The following FOXN3 variants were observed in gnomAD, a reference collection of about 807,000 sequenced individuals.
FOXN3 encodes forkhead box protein N3.
In FOXN3, 7 loss-of-function variants were observed where a neutral mutation model predicts 38.4. The observed-to-expected ratio is 0.18, with a 90% confidence interval of 0.10 to 0.34. The LOEUF (loss-of-function observed/expected upper bound fraction) is 0.34. Ranked by LOEUF, FOXN3 falls within the 10% of genes least tolerant of loss-of-function variation. The pLI is 1.00. For synonymous variants in FOXN3, 230 were observed against 242.2 expected, an observed-to-expected ratio of 0.95 and a Z score of 0.47; for missense variants, 456 against 613.4, an observed-to-expected ratio of 0.74 and a Z score of 2.71.
chr14:89,511,141 T>TTTC lies in FOXN3; in HGVS notation c.-14-98652_-14-98651insGAA, dbSNP rs1555358045. Among the ~76,000 whole-genome samples the TTTC allele has an allele frequency of 2.2e-3, 47 of 21,004 alleles. 9 individuals carry two copies. Among genetic ancestry groups the TTTC allele is most frequent in the East Asian group, 7.2e-3 (12 of 1,666 alleles). 13.8% of individuals were successfully genotyped at this position (21,004 alleles called of 152,430 possible). A position where few individuals can be genotyped will look rare whatever the true frequency, so the allele number is the denominator to read the frequency against. Reference sequence around the variant, plus strand: ...CTTGGTGTCTTTCTTTCTTTCTTTCTTTTCTTTCTTTCTTTCTTTCTTTCT... The same window carrying TTTC: ...CTTGGTGTCTTTCTTTCTTTCTTTCTTTCTTTCTTTCTTTCTTTCTTTCTTTCT... On this transcript the variant is annotated intron_variant, in intron 1 of 6. Coordinates refer to the FOXN3 transcript ENST00000345097.
chr14:89,407,844 G>A (rs570079632), intron 2 of FOXN3, among the ~76,000 whole-genome samples: 3 of 152,022 alleles, frequency 2.0e-5, no homozygotes, highest in Non-Finnish European at 2.9e-5. Context: ...ACAAAAAACC[G>A]AAAAACAACT....
chr14:89,262,838 G>A (rs1447847120), intron 4 of FOXN3, among the ~76,000 whole-genome samples: 1 of 152,226 alleles, frequency 6.6e-6, no homozygotes, highest in Non-Finnish European at 1.5e-5. Context: ...GAGACTTTCA[G>A]TTTAATTGAA....
chr14:89,386,792 G>A (rs776515906), intron 2 of FOXN3, among the ~76,000 whole-genome samples: 3 of 152,210 alleles, frequency 2.0e-5, no homozygotes, highest in Non-Finnish European at 4.4e-5. Context: ...TTCGTGAGAA[G>A]ACGGCTGCCT....
intron 1 of FOXN3, among the ~76,000 whole-genome samples, chr14:89,439,603 G>A (rs1356636098): frequency 6.6e-6 from 1 of 151,486 alleles, no homozygotes; most frequent in Non-Finnish European, 1.5e-5. Flanking sequence ...ATAAAAATGA[G>A]CAATGAGCAG....
intron 4 of FOXN3, among the ~76,000 whole-genome samples, chr14:89,200,905 A>AT (rs1382695645): frequency 6.6e-6 from 1 of 152,222 alleles, no homozygotes. Context: ...TCAAAGAACC[A>AT]TGTGGACAGA....
intron 2 of FOXN3, among the ~76,000 whole-genome samples, chr14:89,410,304 C>T (rs1463274314): frequency 6.6e-6 from 1 of 152,126 alleles, no homozygotes; most frequent in African/African-American, 2.4e-5. Context: ...GCCCCAGCCC[C>T]GCACAGCCAC....
At position 89,362,407 on chromosome 14, in the gene FOXN3, A is replaced by T. The variant is rs1394295731; in HGVS notation, c.544-11599T>A. ...CACCACCACCACCTCCAGCACCACC[A>T]CCACCTCCTCCTCCTCCACCACCAC... On this transcript the variant is annotated intron_variant, in intron 2 of 5. Transcript: ENST00000557258. 1.0e-3 allele frequency among the ~76,000 whole-genome samples: 13 copies of T among 12,570 alleles called. 1 individual carries two copies. The highest frequency in any genetic ancestry group is 2.5e-3 in the African/African-American group (12 of 4,720). 8.2% of individuals were successfully genotyped at this position (12,570 alleles called of 152,430 possible).
At chr14:89,366,439 C>T (rs1395187570) in intron 2 of FOXN3, among the ~76,000 whole-genome samples, 2 of 151,762 alleles carry the variant, frequency 1.3e-5, no homozygotes, top group Non-Finnish European at 2.9e-5. Flanking sequence ...ATTGCATAAG[C>T]AAATTACAAA....
At chr14:89,200,101 A>C (rs574111089) in intron 4 of FOXN3, among the ~76,000 whole-genome samples, 10 of 152,188 alleles carry the variant, frequency 6.6e-5, no homozygotes, top group South Asian at 2.1e-4. Context: ...CAAACAAACA[A>C]ACACACACAT....
At chr14:89,459,390 C>T (rs1892791755) in intron 1 of FOXN3, among the ~76,000 whole-genome samples, 1 of 152,120 alleles carries the variant, frequency 6.6e-6, no homozygotes, top group African/African-American at 2.4e-5. Context: ...GCACCCAAAC[C>T]ATTAGCCTTT....
At chr14:89,611,531 G>A (rs1310827770) in intron 1 of FOXN3, among the ~76,000 whole-genome samples, 1 of 152,224 alleles carries the variant, frequency 6.6e-6, no homozygotes, top group Non-Finnish European at 1.5e-5. Flanking sequence ...ATGAGGCCGG[G>A]CGCGGTGGCT....
chr14:89,393,391 G>A (rs1056681151), intron 2 of FOXN3, among the ~76,000 whole-genome samples: 5 of 152,166 alleles, frequency 3.3e-5, no homozygotes, highest in African/African-American at 9.7e-5. Flanking sequence ...CTTTCTGAGG[G>A]ATACAACTCA....
At position 89,504,551 on chromosome 14, in the gene FOXN3, G is replaced by A. The variant is rs1004442795; in HGVS notation, c.-14-92061C>T. On this transcript the variant is annotated intron_variant, in intron 1 of 6. Transcript: ENST00000345097. ...GCTCTTCCCAGGGGCATTAGAGAAG[G>A]CCACAGTAAGGCCCAGAACCACAGC... Among the ~76,000 whole-genome samples the A allele has an allele frequency of 8.5e-5, 13 of 152,234 alleles. No individual in the cohort carries two copies. The East Asian group carries it at 2.5e-3, about 29-fold the overall frequency.
chr14:89,511,227 CTTTTCTTTCCT>C (rs1419787487), intron 1 of FOXN3, among the ~76,000 whole-genome samples: 3 of 15,846 alleles, frequency 1.9e-4, no homozygotes, highest in African/African-American at 3.6e-4. Context: ...TTCTTTCTTT[CTTTTCTTTCCT>C]TTTCTTTCTT....
chr14:89,303,922 G>A (rs955941839), intron 3 of FOXN3, among the ~76,000 whole-genome samples: 16 of 152,116 alleles, frequency 1.1e-4, no homozygotes, highest in African/African-American at 3.9e-4. Context: ...GGGACAAGAC[G>A]CCTTGTAACT....
intron 2 of FOXN3, among the ~76,000 whole-genome samples, chr14:89,406,420 AT>A (rs1261207931): frequency 6.6e-6 from 1 of 152,166 alleles, no homozygotes; most frequent in Non-Finnish European, 1.5e-5. Flanking sequence ...TGTCTCAAAA[AT>A]AAATTAAATC....
At chr14:89,252,306 T>C (rs1885482432) in intron 4 of FOXN3, among the ~76,000 whole-genome samples, 1 of 152,220 alleles carries the variant, frequency 6.6e-6, no homozygotes, top group African/African-American at 2.4e-5. Context: ...GATGGGTTTT[T>C]CGTTGCTGTT....
At chr14:89,514,185 G>C (rs867235952) in intron 1 of FOXN3, among the ~76,000 whole-genome samples, 16 of 152,144 alleles carry the variant, frequency 1.1e-4, no homozygotes, top group African/African-American at 3.9e-4. Flanking sequence ...TGGAAGGTGG[G>C]GAGAAGTTGT....
At chr14:89,501,120 T>C (rs1206119102) in intron 1 of FOXN3, among the ~76,000 whole-genome samples, 1 of 152,232 alleles carries the variant, frequency 6.6e-6, no homozygotes, top group East Asian at 1.9e-4. Flanking sequence ...TGGTAAGATG[T>C]ATTTTTTCCT....
Sources: gnomAD v4.1 joint callset for allele counts (sites outside exome capture counted in the v4.1 genomes callset) on GRCh38, gnomAD v4.1.1 for gene constraint, MANE v1.5 for transcripts, NCBI Gene and HGNC (gene_info 2026-07-23, HGNC 2026-07-21) for gene names.